DPP6: variants seen among roughly 807,000 people sequenced by gnomAD.
The protein encoded by DPP6 is dipeptidyl peptidase like 6.
DPP6 carries 69 observed loss-of-function variants against 122.6 expected under a neutral mutation model. That is an observed-to-expected ratio of 0.56 (90% confidence interval 0.46 to 0.69). DPP6 has a LOEUF of 0.69. Among genes scored for constraint, DPP6 ranks in the 30% least tolerant of loss-of-function variants. The probability of loss-of-function intolerance (pLI) is 0.00; values close to 1 mark genes in which losing one functional copy is unlikely to be tolerated. For synonymous variants in DPP6, 418 were observed against 433.1 expected (o/e 0.97, Z 0.43); for missense variants, 928 against 1,116.9 (o/e 0.83, Z 2.41).
chr7:154,667,466 G>A (rs139829705), intron 6 of DPP6, among the ~76,000 whole-genome samples: 2,520 of 152,238 alleles, frequency 0.017, 51 homozygotes, highest in African/African-American at 0.057. Context: ...AGTGGCTCAC[G>A]CCTGTAATTC....
intron 1 of DPP6, among the ~76,000 whole-genome samples, chr7:154,073,542 G>A (rs1416060973): frequency 6.6e-6 from 1 of 152,212 alleles, no homozygotes; most frequent in African/African-American, 2.4e-5. Flanking sequence ...TCAAGGACGA[G>A]TACTTTTCTA....
At chr7:154,022,075 T>A (rs1418727835) in intron 1 of DPP6, among the ~76,000 whole-genome samples, 1 of 151,866 alleles carries the variant, frequency 6.6e-6, no homozygotes, top group African/African-American at 2.4e-5. Flanking sequence ...ACTGCTAGAG[T>A]TTCCTGCCAA....
intron 1 of DPP6, among the ~76,000 whole-genome samples, chr7:154,263,998 G>A (rs1325257506): frequency 6.6e-6 from 1 of 152,152 alleles, no homozygotes; most frequent in Non-Finnish European, 1.5e-5. Context: ...ACCTTGTTAT[G>A]TTCTTTTCTT....
chr7:154,243,885 A>C (rs1801808627), intron 1 of DPP6, among the ~76,000 whole-genome samples: 1 of 152,202 alleles, frequency 6.6e-6, no homozygotes, highest in Non-Finnish European at 1.5e-5. Flanking sequence ...AGAGATTAAA[A>C]AAAAAATCAA....
At chr7:154,827,604 G>C (rs1028891440) in intron 16 of DPP6, among the ~76,000 whole-genome samples, 3 of 151,846 alleles carry the variant, frequency 2.0e-5, no homozygotes, top group Admixed American at 6.6e-5. Context: ...TGGCCCACTG[G>C]GGGTGTTTAA....
chr7:154,431,509 T>G (rs1818408902), intron 1 of DPP6, among the ~76,000 whole-genome samples: 3 of 123,314 alleles, frequency 2.4e-5, no homozygotes, highest in Non-Finnish European at 3.2e-5. Flanking sequence ...TTCTTTTCTT[T>G]CTTTTATTAT....
At chr7:154,005,204 A>G (rs1229056205) in intron 1 of DPP6, among the ~76,000 whole-genome samples, 1 of 152,224 alleles carries the variant, frequency 6.6e-6, no homozygotes, top group Non-Finnish European at 1.5e-5. Flanking sequence ...GAGACCTTTC[A>G]TCATAGTTCC....
chr7:154,167,191 A>G (rs932832499), intron 1 of DPP6, among the ~76,000 whole-genome samples: 1 of 152,170 alleles, frequency 6.6e-6, no homozygotes, highest in African/African-American at 2.4e-5. Flanking sequence ...ATGATTGACA[A>G]ATGGAAACCG....
chr7:153,828,751 A>G, the DPP6 span, among the ~76,000 whole-genome samples: 1 of 152,190 alleles, frequency 6.6e-6, no homozygotes, highest in African/African-American at 2.4e-5. Flanking sequence ...CTGCCTTTCT[A>G]TACTACTTGC....
chr7:154,317,665 T>C (rs10215746), intron 1 of DPP6, among the ~76,000 whole-genome samples: 89,141 of 152,076 alleles, frequency 0.59, 26,613 homozygotes, highest in South Asian at 0.67. Context: ...GATTACTGAA[T>C]GTAGATTCTG....
At chr7:154,354,159 C>T (rs1811092254) in intron 1 of DPP6, among the ~76,000 whole-genome samples, 1 of 152,180 alleles carries the variant, frequency 6.6e-6, no homozygotes. Context: ...ATCACTGCCA[C>T]CTAAACCCTT....
upstream of DPP6, among the ~76,000 whole-genome samples, chr7:154,051,476 C>T (rs370281296): frequency 7.3e-5 from 11 of 150,530 alleles, no homozygotes; most frequent in East Asian, 1.6e-3. Context: ...CCAGGCCGGG[C>T]CTGGAGCGGA....
At chr7:153,788,185 A>G in the DPP6 span, among the ~76,000 whole-genome samples, 1 of 152,224 alleles carries the variant, frequency 6.6e-6, no homozygotes, top group Non-Finnish European at 1.5e-5. Flanking sequence ...CTGGTTTGGG[A>G]AAAAAAGATT....
intron 1 of DPP6, among the ~76,000 whole-genome samples, chr7:154,180,152 A>C (rs920094193): frequency 1.3e-5 from 2 of 152,068 alleles, no homozygotes; most frequent in African/African-American, 4.8e-5. Context: ...GTTCAAGACC[A>C]GCCTGGCAAA....
intron 16 of DPP6, among the ~76,000 whole-genome samples, chr7:154,849,062 A>G (rs1802170839): frequency 6.6e-6 from 1 of 152,066 alleles, no homozygotes; most frequent in Non-Finnish European, 1.5e-5. Context: ...TGATTACTAC[A>G]TCTTTGTAAT....
At chr7:154,006,981 T>C (rs1466657528) in intron 1 of DPP6, among the ~76,000 whole-genome samples, 1 of 152,192 alleles carries the variant, frequency 6.6e-6, no homozygotes, top group African/African-American at 2.4e-5. Context: ...CCTGAGAAGA[T>C]ATTCAGCTCT....
At chr7:154,150,733 C>T (rs1304900854) in intron 1 of DPP6, among the ~76,000 whole-genome samples, 1 of 152,252 alleles carries the variant, frequency 6.6e-6, no homozygotes, top group Admixed American at 6.5e-5. Context: ...CTGGCCCAGG[C>T]CGGGTCCTCC....
chr7:154,494,075 C>T (rs1015832699), intron 3 of DPP6, among the ~76,000 whole-genome samples: 4 of 152,182 alleles, frequency 2.6e-5, no homozygotes, highest in South Asian at 2.1e-4. Flanking sequence ...GATATATTGC[C>T]GGATATTGTG....
intron 22 of DPP6, among the ~76,000 whole-genome samples, chr7:154,886,783 T>C (rs1239346086): frequency 6.6e-6 from 1 of 152,196 alleles, no homozygotes; most frequent in Non-Finnish European, 1.5e-5. Context: ...GGCCGAGCCC[T>C]GTAGACACCG....
Sources: allele counts gnomAD v4.1 joint callset (sites outside exome capture counted in the v4.1 genomes callset), GRCh38; gene constraint gnomAD v4.1.1; transcripts MANE v1.5; gene names NCBI Gene and HGNC (gene_info 2026-07-23, HGNC 2026-07-21).